RNF150: variants seen among roughly 807,000 people sequenced by gnomAD.
The protein encoded by RNF150 is ring finger protein 150.
RNF150 carries 24 observed loss-of-function variants against 39.3 expected under a neutral mutation model. The ratio of observed to expected loss-of-function variants is 0.61; its 90% CI spans 0.44 to 0.86. RNF150 has a LOEUF of 0.86. RNF150 is among the 40% of genes least tolerant of loss of function. The pLI is 0.00. For missense variants in RNF150, 502 were observed against 587.8 expected, an observed-to-expected ratio of 0.85 and a Z score of 1.51; for synonymous variants, 255 against 227.3, an observed-to-expected ratio of 1.12 and a Z score of -1.10.
Position 140,868,235 on chromosome 4 carries a change from A to C in RNF150, c.*26T>G. 1 of 1,314,640 alleles carries C rather than the reference A, an allele frequency of 7.6e-7. No homozygotes were observed. Among genetic ancestry groups the C allele is most frequent in the Non-Finnish European group, 1.1e-6 (1 of 907,014 alleles). 81.4% of individuals were successfully genotyped at this position (1,314,640 alleles called of 1,614,324 possible). On this transcript the variant is annotated 3_prime_UTR_variant, in exon 7 of 7. Coordinates refer to ENST00000515673, the MANE Select transcript of RNF150 (RefSeq NM_020724.2). ...CCCTTCCTTTCCCTTGGGTCCTACT[A>C]TCTCTTTGCTTCTGGATTTGTCGTT...
chr4:141,191,554 C>T (rs530022180), intron 1 of RNF150, among the ~76,000 whole-genome samples: 3 of 152,120 alleles, frequency 2.0e-5, no homozygotes, highest in South Asian at 2.1e-4. Context: ...AAGAGGGTGT[C>T]GTATATTTGG....
chr4:140,925,463 C>T (rs1367754061), intron 5 of RNF150, among the ~76,000 whole-genome samples: 1 of 152,184 alleles, frequency 6.6e-6, no homozygotes, highest in Non-Finnish European at 1.5e-5. Context: ...GTTTCCTGTT[C>T]ACTCAAAGTC....
intron 4 of RNF150, among the ~76,000 whole-genome samples, chr4:140,934,201 G>A (rs757545968): frequency 9.2e-5 from 14 of 152,032 alleles, no homozygotes; most frequent in Non-Finnish European, 1.8e-4. Context: ...GTAGAGACAG[G>A]GTTTTGCCAT....
At chr4:141,186,663 C>T (rs1011268430) in intron 1 of RNF150, among the ~76,000 whole-genome samples, 1 of 152,088 alleles carries the variant, frequency 6.6e-6, no homozygotes, top group African/African-American at 2.4e-5. Context: ...CCTCAGCCTC[C>T]CAAAGTGCTG....
At chr4:140,918,463 A>G (rs1020246432) in intron 5 of RNF150, among the ~76,000 whole-genome samples, 8 of 152,300 alleles carry the variant, frequency 5.3e-5, no homozygotes, top group Admixed American at 3.3e-4. Context: ...GGACACATAC[A>G]CCCTCCTAAG....
At chr4:140,891,989 G>A (rs139139766) in intron 6 of RNF150, among the ~76,000 whole-genome samples, 1 of 152,286 alleles carries the variant, frequency 6.6e-6, no homozygotes, top group Non-Finnish European at 1.5e-5. Context: ...CACCTCTCTT[G>A]TGGAAAAATT....
At chr4:141,185,098 G>A (rs1392475146) in intron 1 of RNF150, among the ~76,000 whole-genome samples, 1 of 151,868 alleles carries the variant, frequency 6.6e-6, no homozygotes, top group Non-Finnish European at 1.5e-5. Flanking sequence ...GAATAGCATT[G>A]AATCTATAAA....
chr4:140,876,285 T>A (rs745556428), intron 6 of RNF150, among the ~76,000 whole-genome samples: 1 of 152,226 alleles, frequency 6.6e-6, no homozygotes, highest in Non-Finnish European at 1.5e-5. Flanking sequence ...TGTTGCTGTC[T>A]TTTCATCTCA....
intron 1 of RNF150, among the ~76,000 whole-genome samples, chr4:141,045,538 T>A (rs373242723): frequency 3.4e-4 from 51 of 152,096 alleles, no homozygotes; most frequent in African/African-American, 1.1e-3. Flanking sequence ...TATTTTTATT[T>A]TTTATTTATT....
chr4:140,900,337 G>T (rs961371554), intron 6 of RNF150, among the ~76,000 whole-genome samples: 6 of 152,078 alleles, frequency 3.9e-5, no homozygotes, highest in Non-Finnish European at 5.9e-5. Context: ...GACACTAATG[G>T]GTTGCCAATT....
intron 6 of RNF150, among the ~76,000 whole-genome samples, chr4:140,871,574 A>T (rs1431281973): frequency 6.6e-6 from 1 of 152,154 alleles, no homozygotes; most frequent in African/African-American, 2.4e-5. Flanking sequence ...TCAGCTCACA[A>T]TTAAACTGGA....
chr4:141,143,919 C>G (rs746247034), intron 1 of RNF150, among the ~76,000 whole-genome samples: 7 of 152,150 alleles, frequency 4.6e-5, no homozygotes, highest in Admixed American at 1.3e-4. Flanking sequence ...CTCCTTTCAA[C>G]TATTATATTT....
chr4:141,032,549 C>T (rs1175797709), intron 1 of RNF150, among the ~76,000 whole-genome samples: 1 of 152,016 alleles, frequency 6.6e-6, no homozygotes, highest in Non-Finnish European at 1.5e-5. Context: ...CAAAACATCA[C>T]ATTATATATC....
chr4:141,134,021 G>A (rs1225225096), upstream of RNF150, among the ~76,000 whole-genome samples: 1 of 152,168 alleles, frequency 6.6e-6, no homozygotes, highest in Non-Finnish European at 1.5e-5. Flanking sequence ...ATAACAATGG[G>A]CTTCCTACTG....
chr4:141,144,823 G>A (rs1727175089), intron 1 of RNF150, among the ~76,000 whole-genome samples: 1 of 152,120 alleles, frequency 6.6e-6, no homozygotes, highest in South Asian at 2.1e-4. Context: ...AAAAGGCCTG[G>A]AAGTAGATTC....
At chr4:140,983,997 C>T (rs1408528876) in intron 1 of RNF150, among the ~76,000 whole-genome samples, 1 of 152,064 alleles carries the variant, frequency 6.6e-6, no homozygotes, top group African/African-American at 2.4e-5. Context: ...ACTTTGGCAT[C>T]CCAAAGTGCT....
At chr4:140,876,071 C>T (rs1729143672) in intron 6 of RNF150, among the ~76,000 whole-genome samples, 1 of 152,194 alleles carries the variant, frequency 6.6e-6, no homozygotes, top group Non-Finnish European at 1.5e-5. Flanking sequence ...CTGGTGTTTG[C>T]ATGCTGGGAG....
intron 1 of RNF150, among the ~76,000 whole-genome samples, chr4:141,095,753 A>T (rs1285298247): frequency 6.6e-6 from 1 of 152,212 alleles, no homozygotes; most frequent in Non-Finnish European, 1.5e-5. Context: ...ACCAACCCAA[A>T]AGAATTATTT....
intron 1 of RNF150, among the ~76,000 whole-genome samples, chr4:141,167,205 GA>G (rs1224915662): frequency 6.6e-6 from 1 of 152,032 alleles, no homozygotes; most frequent in Admixed American, 6.6e-5. Context: ...TTGCTACAAA[GA>G]GAATAAAATA....
Sources: allele counts gnomAD v4.1 joint callset (sites outside exome capture counted in the v4.1 genomes callset), GRCh38; gene constraint gnomAD v4.1.1; transcripts MANE v1.5; gene names NCBI Gene and HGNC (gene_info 2026-07-23, HGNC 2026-07-21).